The following ANKHD1 variants were observed in gnomAD, a reference collection of about 807,000 sequenced individuals.
ANKHD1 encodes ankyrin repeat and KH domain containing 1, also known as ankyrin repeat and KH domain-containing protein 1.
In ANKHD1, 31 loss-of-function variants were observed where a neutral mutation model predicts 230.5. The ratio of observed to expected loss-of-function variants is 0.13; its 90% CI spans 0.10 to 0.18. ANKHD1 has a LOEUF of 0.18. Ranked by LOEUF, ANKHD1 falls within the 10% of genes least tolerant of loss-of-function variation. The pLI is 1.00. For synonymous variants in ANKHD1, 1,074 were observed against 1,117.6 expected, an observed-to-expected ratio of 0.96 and a Z score of 0.78; for missense variants, 2,256 against 3,071.3, an observed-to-expected ratio of 0.73 and a Z score of 6.27.
chr5:140,481,440 A>G (rs1312267529), intron 10 of ANKHD1, among the ~76,000 whole-genome samples: 1 of 152,090 alleles, frequency 6.6e-6, no homozygotes, highest in African/African-American at 2.4e-5. Context: ...GTCAAAGCAT[A>G]AAGTAGTTTT....
At chr5:140,411,455 A>G (rs1039918110) in intron 1 of ANKHD1, among the ~76,000 whole-genome samples, 92 of 151,970 alleles carry the variant, frequency 6.1e-4, no homozygotes, top group African/African-American at 2.0e-3. Flanking sequence ...GCCTCTTTCA[A>G]ACTATTATAG....
intron 14 of ANKHD1, 31 bp from the exon 15 acceptor site, chr5:140,496,489 G>A (rs144553898): frequency 5.2e-6 from 4 of 771,404 alleles, no homozygotes; most frequent in South Asian, 4.5e-5. Flanking sequence ...TTTTAGCATG[G>A]CACTCTTTCA....
chr5:140,426,033 A>G (rs1772379694), intron 1 of ANKHD1, among the ~76,000 whole-genome samples: 1 of 152,194 alleles, frequency 6.6e-6, no homozygotes, highest in Non-Finnish European at 1.5e-5. Flanking sequence ...TCAAATATAC[A>G]TAAGAAAAAG....
chr5:140,427,425 A>AT (rs1772569035), intron 1 of ANKHD1, among the ~76,000 whole-genome samples: 1 of 92,876 alleles, frequency 1.1e-5, no homozygotes, highest in African/African-American at 4.2e-5. Context: ...CGGGGGGCTG[A>AT]CCCCCCAACC....
chr5:140,402,909 C>T (rs944546418), intron 1 of ANKHD1, among the ~76,000 whole-genome samples: 1 of 150,218 alleles, frequency 6.7e-6, no homozygotes, highest in African/African-American at 2.5e-5. Context: ...AGCTGGGTAG[C>T]TGAACTCGGA....
chr5:140,470,531 C>G (rs1776411318), intron 10 of ANKHD1, among the ~76,000 whole-genome samples: 1 of 146,548 alleles, frequency 6.8e-6, no homozygotes, highest in Non-Finnish European at 1.5e-5. Flanking sequence ...ATGTCTAATA[C>G]ATTTCTTTGT....
Position 140,527,807 on chromosome 5 carries a change from T to TA in ANKHD1, c.5088-64dup. The stretch of plus-strand genomic sequence containing the variant: ...CCAAAATGTCCATGAACATACTTAC[T>TA]AAGACATCTTTCTTAATAAAGAGAC... On this transcript the variant is annotated intron_variant, in intron 27 of 33. Transcript: ENST00000360839. This position sits in a 1 kb window ranked among gnomAD's most constrained non-coding sequence, Gnocchi z 4.5. 6.6e-7 allele frequency: 1 copy of TA among 1,521,358 alleles called. No individual in the cohort carries two copies. Among genetic ancestry groups the TA allele is most frequent in the Non-Finnish European group, 8.8e-7 (1 of 1,132,294 alleles). The allele number at this position is 1,521,358 out of a possible 1,614,324, so 94.2% of individuals were successfully genotyped here. A position where few individuals can be genotyped will look rare whatever the true frequency, so the allele number is the denominator to read the frequency against.
intron 10 of ANKHD1, 103 bp downstream of exon 10, chr5:140,464,879 A>T: frequency 8.4e-7 from 1 of 1,184,224 alleles, no homozygotes. Context: ...TACTTTGTAT[A>T]CAGTAACTTA....
At chr5:140,463,898 C>T (rs1561763253) in intron 9 of ANKHD1, among the ~76,000 whole-genome samples, 1 of 151,950 alleles carries the variant, frequency 6.6e-6, no homozygotes, top group Admixed American at 6.6e-5. Context: ...AACTCCTGTG[C>T]TCAAGTGATC....
intron 7 of ANKHD1, among the ~76,000 whole-genome samples, chr5:140,457,883 TA>T (rs1775337550): frequency 6.6e-6 from 1 of 152,034 alleles, no homozygotes; most frequent in Non-Finnish European, 1.5e-5. Flanking sequence ...ATTTTGACAT[TA>T]AAAATTTGAA....
intron 24 of ANKHD1, among the ~76,000 whole-genome samples, chr5:140,515,898 T>C (rs1357920222): frequency 1.3e-5 from 2 of 152,044 alleles, no homozygotes; most frequent in Admixed American, 6.6e-5. Flanking sequence ...CCTCTCCTCC[T>C]CCAAAGGAAC....
chr5:140,417,892 TG>T (rs1365649824), intron 1 of ANKHD1, among the ~76,000 whole-genome samples: 3 of 137,532 alleles, frequency 2.2e-5, no homozygotes, highest in Non-Finnish European at 4.5e-5. Flanking sequence ...CAGGCTGGAG[TG>T]GAGTGGCACA....
At chr5:140,404,939 GTCTC>G (rs778750253) in intron 1 of ANKHD1, among the ~76,000 whole-genome samples, 1 of 149,332 alleles carries the variant, frequency 6.7e-6, no homozygotes. Context: ...TCATAAATTT[GTCTC>G]TCTCTCTTTC....
chr5:140,527,043 AGAG>A lies in ANKHD1; in HGVS notation c.5057_5059del (p.Arg1686_Glu1687delinsLys). On this transcript the variant is annotated inframe_deletion, in exon 27 of 34. Coordinates refer to ENST00000360839, the MANE Select transcript of ANKHD1 (RefSeq NM_017747.3). This position sits in a 1 kb window ranked among gnomAD's most constrained non-coding sequence, Gnocchi z 4.5. Reference sequence around the variant, plus strand: ...CACTAGCCCTAAAAGGGGTCAGAAAAGAGAAGAAGGGTGGAAAGAAGTTGTACG... The same window carrying A: ...CACTAGCCCTAAAAGGGGTCAGAAAAAAGAAGGGTGGAAAGAAGTTGTACG... 1 of 1,613,414 alleles carries A rather than the reference AGAG, an allele frequency of 6.2e-7. No homozygotes were observed. Among genetic ancestry groups the A allele is most frequent in the Non-Finnish European group, 8.5e-7 (1 of 1,179,732 alleles).
intron 15 of ANKHD1, among the ~76,000 whole-genome samples, chr5:140,498,790 C>G (rs1376670441): frequency 6.6e-6 from 1 of 151,204 alleles, no homozygotes; most frequent in African/African-American, 2.4e-5. Context: ...TTATAATGTT[C>G]CTAATTAAGT....
chr5:140,488,567 C>A (rs1581328125), intron 14 of ANKHD1, among the ~76,000 whole-genome samples: 1 of 138,154 alleles, frequency 7.2e-6, no homozygotes, highest in African/African-American at 2.7e-5. Context: ...GCCTGGGCGA[C>A]AAGAGCAAAA....
chr5:140,494,017 G>A (rs916390335), intron 14 of ANKHD1, among the ~76,000 whole-genome samples: 2 of 152,178 alleles, frequency 1.3e-5, no homozygotes, highest in African/African-American at 4.8e-5. Context: ...AAATTGCTTA[G>A]TAGCTATACA....
chr5:140,503,407 T>A (rs1205855676), intron 15 of ANKHD1, among the ~76,000 whole-genome samples: 1 of 152,080 alleles, frequency 6.6e-6, no homozygotes, highest in Non-Finnish European at 1.5e-5. Context: ...CTGTGTTAAA[T>A]GCTTTATATA....
chr5:140,531,280 G>T, intron 29 of ANKHD1: 1 of 420,612 alleles, frequency 2.4e-6, no homozygotes, highest in Admixed American at 2.8e-5. Context: ...CTAGTTTTCA[G>T]GTAAGAAGTA....
Sources: gnomAD v4.1 joint callset for allele counts (sites outside exome capture counted in the v4.1 genomes callset) on GRCh38, gnomAD v4.1.1 for gene constraint, Gnocchi (gnomAD v3.1) non-coding constraint, MANE v1.5 for transcripts, NCBI Gene and HGNC (gene_info 2026-07-23, HGNC 2026-07-21) for gene names.